CRACD: variants seen among roughly 807,000 people sequenced by gnomAD.
CRACD encodes capping protein inhibiting regulator of actin dynamics.
CRACD carries 56 observed loss-of-function variants against 106.8 expected under a neutral mutation model. That is an observed-to-expected ratio of 0.52 (90% CI 0.42 to 0.66). CRACD has a LOEUF of 0.66. Among genes scored for constraint, CRACD ranks in the 30% least tolerant of loss-of-function variants. The probability of loss-of-function intolerance (pLI) is 0.00; values close to 1 mark genes in which losing one functional copy is unlikely to be tolerated. For missense variants in CRACD, 1,730 were observed against 1,623.2 expected (o/e 1.07, Z -1.13); for synonymous variants, 754 against 670.8 (o/e 1.12, Z -1.92).
At chr4:56,064,676 T>TA (rs1307518831) in intron 1 of CRACD, among the ~76,000 whole-genome samples, 13 of 152,192 alleles carry the variant, frequency 8.5e-5, no homozygotes, top group Non-Finnish European at 2.9e-5. Flanking sequence ...CACCTATTGT[T>TA]AAAAAAATAC....
chr4:56,058,850 C>T (rs766226597), intron 1 of CRACD, among the ~76,000 whole-genome samples: 82 of 152,212 alleles, frequency 5.4e-4, no homozygotes, highest in Admixed American at 1.4e-3. Flanking sequence ...CCAGTGACAA[C>T]TAGTGAACAA....
chr4:56,146,235 A>C (rs1481246058), intron 1 of CRACD, among the ~76,000 whole-genome samples: 1 of 152,106 alleles, frequency 6.6e-6, no homozygotes, highest in Non-Finnish European at 1.5e-5. Flanking sequence ...ACAGTTGATT[A>C]GATATAAAGG....
At chr4:56,235,363 G>A (rs1401643687) in intron 2 of CRACD, among the ~76,000 whole-genome samples, 4 of 152,292 alleles carry the variant, frequency 2.6e-5, no homozygotes, top group Admixed American at 2.0e-4. Flanking sequence ...ATGTCTACGG[G>A]AAGATAATTT....
chr4:56,329,855 CA>C lies in CRACD; in HGVS notation c.*2056del, dbSNP rs1454662834. Among the ~76,000 whole-genome samples, 1 of 152,148 alleles carries C rather than the reference CA, an allele frequency of 6.6e-6. No homozygotes were observed. The highest frequency in any genetic ancestry group is 2.4e-5 in the African/African-American group (1 of 41,432). Reference sequence around the variant, plus strand: ...ACAGGTGGGGAACTAAGATCAGTTACAAAAAGTTGTAGATGTGTCAACTTTG... The same window carrying C: ...ACAGGTGGGGAACTAAGATCAGTTACAAAAGTTGTAGATGTGTCAACTTTG... On this transcript the variant is annotated 3_prime_UTR_variant, in exon 11 of 11. Transcript: ENST00000682029.
At chr4:56,088,702 A>C (rs1460577584) in intron 1 of CRACD, among the ~76,000 whole-genome samples, 1 of 151,808 alleles carries the variant, frequency 6.6e-6, no homozygotes, top group African/African-American at 2.4e-5. Context: ...TAATAATTGA[A>C]TAATTGAACA....
At chr4:56,119,794 C>T (rs1388791982) in intron 1 of CRACD, among the ~76,000 whole-genome samples, 1 of 152,102 alleles carries the variant, frequency 6.6e-6, no homozygotes, top group Non-Finnish European at 1.5e-5. Flanking sequence ...AGATAGTTGT[C>T]CCAGAGGCAT....
At chr4:56,092,547 A>G (rs867939347) in intron 1 of CRACD, among the ~76,000 whole-genome samples, 1 of 152,210 alleles carries the variant, frequency 6.6e-6, no homozygotes, top group Non-Finnish European at 1.5e-5. Flanking sequence ...CATTGGTTAT[A>G]TAAAATATAT....
chr4:56,097,728 TG>T (rs1400371200), intron 1 of CRACD, among the ~76,000 whole-genome samples: 4 of 151,932 alleles, frequency 2.6e-5, no homozygotes, highest in African/African-American at 9.7e-5. Context: ...AAAGGGTCAA[TG>T]GCATGTAGGT....
At chr4:56,158,949 A>G (rs1439292651) in intron 1 of CRACD, among the ~76,000 whole-genome samples, 2 of 151,958 alleles carry the variant, frequency 1.3e-5, no homozygotes, top group Non-Finnish European at 2.9e-5. Flanking sequence ...TGTGGCAAGA[A>G]TTGGACTCTT....
chr4:56,082,327 G>A (rs1318069840), intron 1 of CRACD, among the ~76,000 whole-genome samples: 1 of 152,172 alleles, frequency 6.6e-6, no homozygotes, highest in Non-Finnish European at 1.5e-5. Flanking sequence ...AGATGAGTGA[G>A]GACCAGATTG....
chr4:56,310,793 C>CG, intron 6 of CRACD, 59 bp downstream of exon 6: 4 of 949,814 alleles, frequency 4.2e-6, no homozygotes, highest in Non-Finnish European at 3.2e-6. Context: ...TCATCTTCCC[C>CG]CCCCCTTTTT....
chr4:56,053,994 A>G (rs1367944129), intron 1 of CRACD, among the ~76,000 whole-genome samples: 1 of 152,184 alleles, frequency 6.6e-6, no homozygotes, highest in Non-Finnish European at 1.5e-5. Flanking sequence ...GTAAAGTTGC[A>G]GCAAGCCTGT....
chr4:56,077,023 G>A (rs1287551874), intron 1 of CRACD, among the ~76,000 whole-genome samples: 3 of 152,164 alleles, frequency 2.0e-5, no homozygotes, highest in African/African-American at 7.2e-5. Flanking sequence ...ATAAGAGTAT[G>A]CTAGTGGGAT....
rs145493214 is a variant in CRACD at position 56,299,435 on chromosome 4, C to T, written c.120+1086C>T. 4.9e-3 allele frequency among the ~76,000 whole-genome samples: 749 copies of T among 151,976 alleles called. 2 individuals are homozygous for T. The highest frequency in any genetic ancestry group is 8.3e-3 in the Non-Finnish European group (564 of 67,962). On this transcript the variant is annotated intron_variant, in intron 4 of 10. Coordinates refer to ENST00000682029, the MANE Select transcript of CRACD (RefSeq NM_001393381.1). ...CTATAATTCCAGCACTTTGGGAGGCCGAGGTGGGTGGACTGCTTGAACTCA... is the reference window on the plus strand; with the variant it reads ...CTATAATTCCAGCACTTTGGGAGGCTGAGGTGGGTGGACTGCTTGAACTCA...
intron 1 of CRACD, among the ~76,000 whole-genome samples, chr4:56,163,299 A>G (rs1736022056): frequency 6.6e-6 from 1 of 152,116 alleles, no homozygotes; most frequent in Non-Finnish European, 1.5e-5. Flanking sequence ...CCGTCTTCAA[A>G]AAAAAAAGCT....
At chr4:56,121,385 C>T (rs1290784507) in intron 1 of CRACD, among the ~76,000 whole-genome samples, 1 of 152,148 alleles carries the variant, frequency 6.6e-6, no homozygotes, top group African/African-American at 2.4e-5. Flanking sequence ...TTCTTCCTAT[C>T]ACAATACTGA....
chr4:56,176,376 G>T (rs189914163), intron 1 of CRACD, among the ~76,000 whole-genome samples: 24 of 151,192 alleles, frequency 1.6e-4, no homozygotes, highest in African/African-American at 5.3e-4. Flanking sequence ...AGTAGTATGG[G>T]CATTTAACAA....
intron 1 of CRACD, among the ~76,000 whole-genome samples, chr4:56,074,467 T>C (rs1415378360): frequency 6.6e-6 from 1 of 152,220 alleles, no homozygotes; most frequent in Non-Finnish European, 1.5e-5. Context: ...GGGAGTTCAC[T>C]CATAATTTGG....
chr4:56,217,190 G>C (rs890874022), intron 2 of CRACD, among the ~76,000 whole-genome samples: 2 of 152,004 alleles, frequency 1.3e-5, no homozygotes, highest in African/African-American at 4.8e-5. Flanking sequence ...CCAAAAACTA[G>C]ATGGCTTCAA....
Sources: gnomAD v4.1 joint callset for allele counts (sites outside exome capture counted in the v4.1 genomes callset) on GRCh38, gnomAD v4.1.1 for gene constraint, MANE v1.5 for transcripts, NCBI Gene and HGNC (gene_info 2026-07-23, HGNC 2026-07-21) for gene names.